Variants in LTBP1 observed in about 807,000 individuals in gnomAD.
LTBP1 encodes latent transforming growth factor beta binding protein 1, also known as latent-transforming growth factor beta-binding protein 1.
Under a neutral mutation model 207.6 loss-of-function variants are expected in LTBP1, and 129 were observed. The observed-to-expected ratio is 0.62, with a 90% CI of 0.54 to 0.72. LTBP1 has a LOEUF of 0.72. LTBP1 is among the 30% of genes least tolerant of loss of function. The probability of loss-of-function intolerance (pLI) is 0.00; values close to 1 mark genes in which losing one functional copy is unlikely to be tolerated. For synonymous variants in LTBP1, 963 were observed against 833.7 expected, an observed-to-expected ratio of 1.16 and a Z score of -2.67; for missense variants, 2,281 against 2,217.2, an observed-to-expected ratio of 1.03 and a Z score of -0.58.
At chr2:33,350,593 T>A (rs141174585) in intron 26 of LTBP1, among the ~76,000 whole-genome samples, 1 of 152,354 alleles carries the variant, frequency 6.6e-6, no homozygotes, top group Non-Finnish European at 1.5e-5. Flanking sequence ...GCTTCCCACA[T>A]ATATATTTTT....
chr2:33,172,397 G>A (rs2085546309), intron 5 of LTBP1, among the ~76,000 whole-genome samples: 2 of 152,062 alleles, frequency 1.3e-5, no homozygotes, highest in Non-Finnish European at 1.5e-5. Context: ...AAGATCAAAA[G>A]AGACAAAGAA....
intron 2 of LTBP1, among the ~76,000 whole-genome samples, chr2:32,971,042 G>A (rs1404001909): frequency 2.2e-5 from 3 of 136,474 alleles, no homozygotes; most frequent in African/African-American, 2.7e-5. Context: ...GTGTGTGTGT[G>A]TCTGTCTGTC....
At chr2:33,112,790 A>G (rs73924165) in intron 4 of LTBP1, among the ~76,000 whole-genome samples, 10,859 of 152,252 alleles carry the variant, frequency 0.071, 1,262 homozygotes, top group African/African-American at 0.25. Context: ...CTGTCTCTGC[A>G]TACTCCTGTT....
chr2:33,322,634 C>G (rs571163322), intron 24 of LTBP1, among the ~76,000 whole-genome samples: 2 of 152,154 alleles, frequency 1.3e-5, no homozygotes, highest in Non-Finnish European at 2.9e-5. Flanking sequence ...TGCATTGCAC[C>G]TGTCTTCTCA....
chr2:33,235,341 C>T (rs1456353370), intron 9 of LTBP1, among the ~76,000 whole-genome samples: 1 of 152,072 alleles, frequency 6.6e-6, no homozygotes, highest in East Asian at 1.9e-4. Context: ...AAATCAAAAC[C>T]ACAATGAGAT....
At chr2:33,090,319 C>T (rs767191900) in intron 3 of LTBP1, among the ~76,000 whole-genome samples, 1 of 152,168 alleles carries the variant, frequency 6.6e-6, no homozygotes, top group Admixed American at 6.5e-5. Context: ...ATCAGTAACT[C>T]ACTTGGTGGG....
At chr2:33,280,198 T>G in intron 19 of LTBP1, 40 bp downstream of exon 19, 1 of 1,574,764 alleles carries the variant, frequency 6.4e-7, no homozygotes, top group Non-Finnish European at 8.6e-7. Context: ...TTGTTTCTTC[T>G]GCATGGCCCA....
chr2:33,328,950 A>G (rs57754185), intron 24 of LTBP1, among the ~76,000 whole-genome samples: 2,094 of 152,186 alleles, frequency 0.014, 42 homozygotes, highest in African/African-American at 0.047. Flanking sequence ...CATGCTTCCT[A>G]TGTGAGGCTG....
chr2:33,034,384 CTTTGA>C (rs2075821866), intron 3 of LTBP1, among the ~76,000 whole-genome samples: 1 of 152,100 alleles, frequency 6.6e-6, no homozygotes, highest in South Asian at 2.1e-4. Flanking sequence ...TAAAGCTGAT[CTTTGA>C]GGTGTTTTAG....
At chr2:32,974,655 G>T (rs1040638928) in intron 2 of LTBP1, among the ~76,000 whole-genome samples, 35 of 152,044 alleles carry the variant, frequency 2.3e-4, no homozygotes, top group Non-Finnish European at 4.9e-4. Context: ...TCTGATTGTT[G>T]TTGGTTTAAA....
At chr2:33,266,301 T>A (rs950129854) in intron 15 of LTBP1, among the ~76,000 whole-genome samples, 12 of 152,158 alleles carry the variant, frequency 7.9e-5, no homozygotes, top group African/African-American at 2.2e-4. Context: ...GGAGGGAAGC[T>A]GAGGGTAAGC....
chr2:33,259,513 T>G, intron 12 of LTBP1, 75 bp from the exon 13 acceptor site: 2 of 1,077,644 alleles, frequency 1.9e-6, no homozygotes, highest in East Asian at 5.1e-5. Context: ...ACTTCTATTG[T>G]TTTTTAAGAA....
intron 3 of LTBP1, among the ~76,000 whole-genome samples, chr2:33,072,212 A>C (rs1315114533): frequency 2.6e-5 from 4 of 152,234 alleles, no homozygotes; most frequent in African/African-American, 9.6e-5. Context: ...CAAAGGATAC[A>C]GACGAAGAGG....
At chr2:33,285,925 A>G (rs1160922544) in intron 19 of LTBP1, 1 of 152,028 alleles carries the variant, frequency 6.6e-6, no homozygotes, top group African/African-American at 2.4e-5. Context: ...TAGCTGGAAT[A>G]TACTTCTTGG....
At chr2:33,175,041 A>G (rs975147171) in intron 5 of LTBP1, among the ~76,000 whole-genome samples, 15 of 152,324 alleles carry the variant, frequency 9.8e-5, no homozygotes, top group Admixed American at 5.2e-4. Flanking sequence ...TTAGACCTAA[A>G]ACCATAGAAA....
At chr2:32,966,352 T>G (rs145425534) in intron 2 of LTBP1, among the ~76,000 whole-genome samples, 107 of 152,308 alleles carry the variant, frequency 7.0e-4, no homozygotes, top group African/African-American at 2.1e-3. Flanking sequence ...TTATCAATTC[T>G]TTCTTTCATG....
chr2:32,977,075 A>G (rs1444173883), intron 2 of LTBP1, among the ~76,000 whole-genome samples: 1 of 152,082 alleles, frequency 6.6e-6, no homozygotes, highest in Admixed American at 6.5e-5. Context: ...TCCTGGGGCA[A>G]AAGGATATTG....
Position 33,365,405 on chromosome 2 carries a change from G to A in LTBP1, c.4613G>A (p.Arg1538Gln), listed in dbSNP as rs746736222. The change falls in exon 31 of 34, where the codon CGG (arginine) becomes CAG (glutamine). Residue 1538 changes from arginine (R) to glutamine (Q), a missense_variant. By Grantham distance (43) the Arg-to-Gln change is conservative. This residue lies in a region of LTBP1 where 1,671 missense variants were observed against 1,634.8 expected (regional missense o/e 1.02). Transcript: ENST00000404816. The stretch of plus-strand genomic sequence containing the variant: ...CTGAGTGATGAATACGTGTGTAGCC[G>A]GCCTCTTGTGGGCAAGCAGACAACG... ...EHLSDEYVCS[R>Q]PLVGKQTTYT... 3.7e-5 allele frequency: 60 copies of A among 1,613,994 alleles called. No individual in the cohort carries two copies. The highest frequency in any genetic ancestry group is 1.1e-4 in the East Asian group (5 of 44,894).
chr2:33,387,731 G>A (rs912555072), intron 31 of LTBP1, among the ~76,000 whole-genome samples: 10 of 68,592 alleles, frequency 1.5e-4, no homozygotes, highest in Non-Finnish European at 2.3e-4. Flanking sequence ...TATTGCCTTG[G>A]TGGGGTTTTT....
Sources: gnomAD v4.1 joint callset for allele counts (sites outside exome capture counted in the v4.1 genomes callset) on GRCh38, gnomAD v4.1.1 for gene constraint, gnomAD v4.1.1 regional missense constraint, MANE v1.5 for transcripts, NCBI Gene and HGNC (gene_info 2026-07-23, HGNC 2026-07-21) for gene names.